Variants in TMEM163 observed in about 807,000 individuals in gnomAD.
The protein encoded by TMEM163 is transmembrane protein 163.
A neutral mutation model predicts 29.3 loss-of-function variants in TMEM163; 17 were observed. The ratio of observed to expected loss-of-function variants is 0.58; its 90% confidence interval spans 0.40 to 0.87. The LOEUF (loss-of-function observed/expected upper bound fraction) is 0.87. Among genes scored for constraint, TMEM163 ranks in the 40% least tolerant of loss-of-function variants. TMEM163 has a pLI of 0.00. For missense variants in TMEM163, 303 were observed against 381.5 expected, an observed-to-expected ratio of 0.79 and a Z score of 1.71; for synonymous variants, 157 against 160.6, an observed-to-expected ratio of 0.98 and a Z score of 0.17.
At chr2:134,458,305 T>G in intron 6 of TMEM163, 132 bp from the exon 7 acceptor site, 1 of 1,063,134 alleles carries the variant, frequency 9.4e-7, no homozygotes, top group Non-Finnish European at 1.4e-6. Context: ...TCACGAGTGA[T>G]AGCCACCACC....
intron 5 of TMEM163, among the ~76,000 whole-genome samples, chr2:134,486,712 C>T (rs889242815): frequency 6.6e-6 from 1 of 152,050 alleles, no homozygotes; most frequent in Admixed American, 6.5e-5. Flanking sequence ...CACCAGGGCA[C>T]GGAAAAGTAG....
intron 2 of TMEM163, among the ~76,000 whole-genome samples, chr2:134,698,206 T>C (rs1684621613): frequency 6.6e-6 from 1 of 152,220 alleles, no homozygotes; most frequent in African/African-American, 2.4e-5. Context: ...GAAGTGTCTC[T>C]TGACATTGCT....
At chr2:134,466,315 C>CA in intron 5 of TMEM163, 90 bp from the exon 6 acceptor site, 1 of 1,082,006 alleles carries the variant, frequency 9.2e-7, no homozygotes, top group Non-Finnish European at 1.4e-6. Context: ...AGCCTTGTTC[C>CA]AAGTACAAAT....
At chr2:134,472,634 C>T (rs760753943) in intron 5 of TMEM163, among the ~76,000 whole-genome samples, 12 of 152,306 alleles carry the variant, frequency 7.9e-5, no homozygotes, top group South Asian at 2.1e-4. Context: ...ATGCAAATGA[C>T]GGCACATATG....
At chr2:134,499,961 C>G (rs1679664047) in intron 5 of TMEM163, among the ~76,000 whole-genome samples, 1 of 152,226 alleles carries the variant, frequency 6.6e-6, no homozygotes. Context: ...ATTATCCACC[C>G]ACTCTCAACC....
chr2:134,516,261 G>A (rs1680054050), intron 4 of TMEM163, among the ~76,000 whole-genome samples: 1 of 152,118 alleles, frequency 6.6e-6, no homozygotes, highest in African/African-American at 2.4e-5. Context: ...TAAAATATGG[G>A]CCATGTGCGG....
At chr2:134,648,332 C>T (rs948801158) in intron 2 of TMEM163, among the ~76,000 whole-genome samples, 4 of 151,680 alleles carry the variant, frequency 2.6e-5, no homozygotes, top group African/African-American at 7.3e-5. Flanking sequence ...CTTCTCTTCT[C>T]TTCTCTTCTC....
intron 2 of TMEM163, among the ~76,000 whole-genome samples, chr2:134,581,739 C>A (rs1369805389): frequency 1.3e-5 from 2 of 152,194 alleles, no homozygotes; most frequent in Non-Finnish European, 2.9e-5. Flanking sequence ...CCATACTTTC[C>A]CCTTGCCCAT....
intron 7 of TMEM163, among the ~76,000 whole-genome samples, chr2:134,457,412 G>A (rs763965203): frequency 3.7e-4 from 56 of 152,184 alleles, no homozygotes; most frequent in Non-Finnish European, 1.6e-4. Context: ...CCTCACTGAC[G>A]CTGGCAGTTG....
intron 2 of TMEM163, among the ~76,000 whole-genome samples, chr2:134,691,533 C>T (rs1684465660): frequency 6.6e-6 from 1 of 152,214 alleles, no homozygotes; most frequent in Non-Finnish European, 1.5e-5. Flanking sequence ...TAAATACACA[C>T]ACACGTGCAT....
rs897903056 is a variant in TMEM163, at chr2:134,718,856, G to A, written c.80C>T (p.Pro27Leu). 10 of 1,114,284 alleles carry A rather than the reference G, an allele frequency of 9.0e-6. No homozygotes were observed. Among genetic ancestry groups the A allele is most frequent in the African/African-American group, 1.7e-5 (1 of 60,188 alleles). The allele number at this position is 1,114,284 out of a possible 1,614,324, so 69.0% of individuals were successfully genotyped here. The change falls in exon 1 of 8, where the codon CCG becomes CTG. Residue 27 changes from proline to leucine, a missense_variant. Physicochemically the swap from Pro to Leu is moderately conservative, Grantham distance 98. Around this residue, in one of 2 missense-constraint regions of TMEM163, gnomAD observed 100 missense variants for 87.2 expected, o/e 1.15. Coordinates refer to ENST00000281924, the MANE Select transcript of TMEM163 (RefSeq NM_030923.5). Reference protein sequence around the residue: ...VPPPPRGHAPPAAAPGPAPLS... With the variant: ...VPPPPRGHAPLAAAPGPAPLS... ...CGGGGCCGGGCCGGGGGCGGCAGCC[G>A]GTGGCGCGTGGCCCCGGGGCGGCGG...
intron 4 of TMEM163, among the ~76,000 whole-genome samples, chr2:134,530,206 G>A (rs1200618531): frequency 6.6e-6 from 1 of 152,072 alleles, no homozygotes; most frequent in Non-Finnish European, 1.5e-5. Context: ...TTTCACTGTG[G>A]ATGCCCTCTG....
chr2:134,538,054 T>C (rs946081650), intron 4 of TMEM163, among the ~76,000 whole-genome samples: 3 of 152,222 alleles, frequency 2.0e-5, no homozygotes, highest in Middle Eastern at 3.2e-3. Context: ...GTTTCGGCAA[T>C]TCCTCAAATG....
Position 134,598,689 on chromosome 2 carries a change from G to A in TMEM163, c.323-46598C>T, listed in dbSNP as rs144259795. Among the ~76,000 whole-genome samples, 98 of 152,124 alleles carry A rather than the reference G, an allele frequency of 6.4e-4. 2 individuals carry two copies. The East Asian group carries it at 0.013, about 20-fold the overall frequency. On this transcript the variant is annotated intron_variant, in intron 2 of 7. Transcript: ENST00000281924. The stretch of plus-strand genomic sequence containing the variant: ...AGCACTTTGGGAGGCCAAGGTGGGC[G>A]GAGAATCACTTGAGCTCAGGAGTTC...
At chr2:134,658,690 C>T (rs1487239226) in intron 2 of TMEM163, among the ~76,000 whole-genome samples, 1 of 152,030 alleles carries the variant, frequency 6.6e-6, no homozygotes, top group African/African-American at 2.4e-5. Context: ...CTCTGCCTCC[C>T]GGGTTCAAGC....
chr2:134,570,469 T>TATATACATATAC (rs199827256), intron 2 of TMEM163, among the ~76,000 whole-genome samples: 3,093 of 145,154 alleles, frequency 0.021, 36 homozygotes, highest in Middle Eastern at 0.035. Flanking sequence ...ACTACATATA[T>TATATACATATAC]ATATACATAT....
intron 2 of TMEM163, among the ~76,000 whole-genome samples, chr2:134,624,520 G>C (rs531202278): frequency 2.0e-5 from 3 of 152,138 alleles, no homozygotes; most frequent in Non-Finnish European, 4.4e-5. Flanking sequence ...TAATACCTGG[G>C]TGATGAAATA....
chr2:134,505,460 G>A (rs1346903472), intron 4 of TMEM163, among the ~76,000 whole-genome samples: 1 of 152,014 alleles, frequency 6.6e-6, no homozygotes, highest in East Asian at 1.9e-4. Flanking sequence ...TGGAACAGAG[G>A]CTGAGATAGA....
chr2:134,635,765 A>G (rs1233255386), intron 2 of TMEM163, among the ~76,000 whole-genome samples: 1 of 152,166 alleles, frequency 6.6e-6, no homozygotes, highest in Non-Finnish European at 1.5e-5. Context: ...AGGAAAAATG[A>G]ACAGGGGATC....
Sources: allele counts gnomAD v4.1 joint callset (sites outside exome capture counted in the v4.1 genomes callset), GRCh38; gene constraint gnomAD v4.1.1; regional missense constraint gnomAD v4.1.1; transcripts MANE v1.5; gene names NCBI Gene and HGNC (gene_info 2026-07-23, HGNC 2026-07-21).